FH: variants seen among roughly 807,000 people sequenced by gnomAD.
FH encodes the protein fumarate hydratase, mitochondrial.
A neutral mutation model predicts 49.4 loss-of-function variants in FH; 22 were observed. That is an observed-to-expected ratio of 0.45 (90% CI 0.32 to 0.64). The LOEUF (loss-of-function observed/expected upper bound fraction) is 0.64. Among genes scored for constraint, FH ranks in the 30% least tolerant of loss-of-function variants. FH has a pLI of 0.05. For synonymous variants in FH, 208 were observed against 223.0 expected (o/e 0.93, Z 0.60); for missense variants, 526 against 641.5 (o/e 0.82, Z 1.95).
intron 9 of FH, among the ~76,000 whole-genome samples, chr1:241,499,828 G>C (rs1364101699): frequency 6.6e-6 from 1 of 152,158 alleles, no homozygotes; most frequent in Non-Finnish European, 1.5e-5. Flanking sequence ...TCTATGGTCA[G>C]TCTACTACCC....
In FH at chr1:241,516,982, C is replaced by T. The variant is rs895106577; in HGVS notation, c.267+200G>A. ...TTTAAAAAATCCAAAATATTCAAAG[C>T]GATGGCTCAAAATAATAGCATGCTA... On this transcript the variant is annotated intron_variant, in intron 2 of 9. Transcript: ENST00000366560. Among the ~76,000 whole-genome samples the T allele has an allele frequency of 5.3e-5, 8 of 152,074 alleles. No homozygotes were observed. The East Asian group carries it at 7.7e-4, about 15-fold the overall frequency.
chr1:241,501,274 C>T lies in FH; in HGVS notation c.1237-684G>A, dbSNP rs905227515. 7.2e-5 allele frequency among the ~76,000 whole-genome samples: 11 copies of T among 152,296 alleles called. No homozygotes were observed. In the South Asian group the frequency reaches 2.1e-3, roughly 29 times the overall value. ...TCCGGTCTGAAAACTAGACTTCCAA[C>T]AATGGACTCTAAGACATATAATCTA... On this transcript the variant is annotated intron_variant, in intron 8 of 9. Coordinates refer to ENST00000366560, the MANE Select transcript of FH (RefSeq NM_000143.4).
rs202166344 is a variant in FH, at chr1:241,519,716, G to C, written c.7C>G (p.Arg3Gly). 382 of 1,543,684 alleles carry C rather than the reference G, an allele frequency of 2.5e-4. No homozygotes were observed. Among genetic ancestry groups the C allele is most frequent in the Non-Finnish European group, 3.2e-4 (362 of 1,143,342 alleles). MY[R>G]ALRLLARSRP... ...GAGCGCGCGAGGAGCCGAAGTGCTC[G>C]GTACATGGTGCTGAGGGAGCTTGGG... Residue 3 changes from arginine (R) to glycine (G), a missense_variant, in exon 1 of 10, where the codon CGA becomes GGA. Physicochemically the swap from Arg to Gly is moderately radical, Grantham distance 125 (BLOSUM62 -2). Around this residue, in one of 2 missense-constraint regions of FH, gnomAD observed 143 missense variants for 127.5 expected, o/e 1.12. Coordinates refer to ENST00000366560, the MANE Select transcript of FH (RefSeq NM_000143.4).
At chr1:241,498,052 T>C in intron 9 of FH, 82 bp from the exon 10 acceptor site, 1 of 1,382,954 alleles carries the variant, frequency 7.2e-7, no homozygotes, top group Non-Finnish European at 1.0e-6. Flanking sequence ...AATTGTTTAC[T>C]TGATATTGAT....
At chr1:241,499,381 A>G (rs1383214242) in intron 9 of FH, among the ~76,000 whole-genome samples, 2 of 152,208 alleles carry the variant, frequency 1.3e-5, no homozygotes, top group East Asian at 3.8e-4. Context: ...TGAAGTAAAG[A>G]TCTGATGAAA....
chr1:241,517,408 C>A, intron 1 of FH, 92 bp from the exon 2 acceptor site: 1 of 1,386,110 alleles, frequency 7.2e-7, no homozygotes, highest in Non-Finnish European at 1.0e-6. Flanking sequence ...AGAAAGAAAC[C>A]TGAATAAGTA....
Position 241,506,090 on chromosome 1 carries a change from C to T in FH, c.817G>A (p.Ala273Thr), listed in dbSNP as rs772190176. 5 of 1,613,840 alleles carry T rather than the reference C, an allele frequency of 3.1e-6. No individual in the cohort carries two copies. Among genetic ancestry groups the T allele is most frequent in the Non-Finnish European group, 2.5e-6 (3 of 1,179,918 alleles). ...KAAMPRIYELAAGGTAVGTGL... is the reference protein window; with the variant it reads ...KAAMPRIYELTAGGTAVGTGL... The stretch of plus-strand genomic sequence containing the variant: ...GTACCAACAGCAGTGCCTCCAGCTG[C>T]GAGCTCATAGATTCTTGGCATGGCA... Residue 273 changes from alanine to threonine, a missense_variant, in exon 6 of 10, where the codon GCA becomes ACA. Physicochemically the swap from Ala to Thr is moderately conservative, Grantham distance 58. Coordinates refer to ENST00000366560, the MANE Select transcript of FH (RefSeq NM_000143.4).
chr1:241,497,935 G>T lies in FH; in HGVS notation c.1426C>A (p.His476Asn). The T allele has an allele frequency of 6.2e-7, 1 of 1,613,388 alleles. No individual in the cohort carries two copies. Among genetic ancestry groups the T allele is most frequent in the Non-Finnish European group, 8.5e-7 (1 of 1,179,446 alleles). Residue 476 changes from histidine (H) to asparagine (N), a missense_variant, in exon 10 of 10, where the codon CAC (histidine) becomes AAC (asparagine). By Grantham distance (68) the His-to-Asn change is moderately conservative. Coordinates refer to ENST00000366560, the MANE Select transcript of FH (RefSeq NM_000143.4). ...TCCTTTAAGGTTGATCCATTTTTGT[G>T]TGCTGTCTTAGCAATCTTTGCTGCC... The part of the protein sequence containing the change: ...DKAAKIAKTA[H>N]KNGSTLKETA...
intron 4 of FH, 150 bp from the exon 5 acceptor site, chr1:241,508,935 G>C (rs1660004495): frequency 2.2e-5 from 14 of 643,340 alleles, no homozygotes. Context: ...TCATAGGTGA[G>C]TTATTATAGA....
Position 241,512,090 on chromosome 1 carries a change from T to C in FH, c.432A>G (p.Gly144=), listed in dbSNP as rs779274655. The C allele has an allele frequency of 1.2e-6, 2 of 1,613,930 alleles. No homozygotes were observed. The change falls in exon 4 of 10, where the codon GGA becomes GGG. Residue 144 remains glycine, a synonymous_variant. Coordinates refer to ENST00000366560, the MANE Select transcript of FH (RefSeq NM_000143.4). The part of the protein sequence containing the change: ...DHFPLVVWQT[G]SGTQTNMNVN... The stretch of plus-strand genomic sequence containing the variant: ...CATTCATATTTGTCTGAGTTCCTGA[T>C]CCAGTCTGCCATACCACGAGAGGAA...
rs199539887 is a variant in FH at position 241,513,641 on chromosome 1, G to T, written c.340C>A (p.Pro114Thr). The T allele has an allele frequency of 1.9e-6, 3 of 1,613,898 alleles. No homozygotes were observed. The African/African-American group carries it at 4.0e-5, about 22-fold the overall frequency. ...AEVNQDYGLDPKIANAIMKAA... is the reference protein window; with the variant it reads ...AEVNQDYGLDTKIANAIMKAA... ...TTCATTATTGCATTAGCAATCTTTG[G>T]ATCAAGACCATAATCCTGGTTTACT... Residue 114 changes from proline to threonine, a missense_variant, in exon 3 of 10, where the codon CCA becomes ACA. Around this residue, in one of 2 missense-constraint regions of FH, gnomAD observed 383 missense variants for 514.0 expected, o/e 0.75. Transcript: ENST00000366560.
At position 241,504,084 on chromosome 1, in the gene FH, A is replaced by G. The variant is rs1157405003; in HGVS notation, c.1066T>C (p.Leu356=). The change falls in exon 7 of 10, where the codon TTG becomes CTG. Residue 356 remains leucine (L), a synonymous_variant. Transcript: ENST00000366560. ...GSGPRSGLGE[L]ILPENEPGSS... ...CCTGGTTCATTTTCAGGCAAGATCA[A>G]TTCTCCCAGACCTGACCGAGGACCA... is the stretch of plus-strand genomic sequence containing the variant. 9 of 1,614,220 alleles carry G rather than the reference A, an allele frequency of 5.6e-6. No individual in the cohort carries two copies. The highest frequency in any genetic ancestry group is 1.7e-4 in the Middle Eastern group (1 of 6,060).
chr1:241,504,061 T>G lies in FH; in HGVS notation c.1089A>C (p.Pro363=). The change falls in exon 7 of 10, where the codon CCA becomes CCC. Residue 363 remains proline (P), a synonymous_variant. Transcript: ENST00000366560. The stretch of plus-strand genomic sequence containing the variant: ...GATTACCTGGCATGATACTGCTTCC[T>G]GGTTCATTTTCAGGCAAGATCAATT... ...LGELILPENE[P]GSSIMPGKVN... 1 of 1,614,170 alleles carries G rather than the reference T, an allele frequency of 6.2e-7. No homozygotes were observed. Among genetic ancestry groups the G allele is most frequent in the Non-Finnish European group, 8.5e-7 (1 of 1,180,014 alleles).
chr1:241,519,496 G>C (rs1308041251), intron 1 of FH, 95 bp downstream of exon 1: 3 of 1,429,902 alleles, frequency 2.1e-6, no homozygotes, highest in Non-Finnish European at 2.8e-6. Flanking sequence ...GGACGCCCGG[G>C]GAATCTCTCC....
Position 241,497,915 on chromosome 1 carries a change from T to C in FH, c.1446A>G (p.Leu482=). Residue 482 remains leucine (L), a synonymous_variant, in exon 10 of 10, where the codon TTA becomes TTG. Transcript: ENST00000366560. ...AKTAHKNGST[L]KETAIELGYL... ...AGCCAAGTTCGATAGCAGTTTCCTT[T>C]AAGGTTGATCCATTTTTGTGTGCTG... The C allele has an allele frequency of 1.9e-6, 3 of 1,613,942 alleles. No homozygotes were observed. Among genetic ancestry groups the C allele is most frequent in the Non-Finnish European group, 2.5e-6 (3 of 1,179,960 alleles).
chr1:241,505,823 T>A (rs1042934459), intron 6 of FH, among the ~76,000 whole-genome samples, 180 bp downstream of exon 6: 1 of 152,226 alleles, frequency 6.6e-6, no homozygotes, highest in Non-Finnish European at 1.5e-5. Flanking sequence ...CATGGAACAT[T>A]TTTTAAAAGG....
intron 3 of FH, among the ~76,000 whole-genome samples, chr1:241,512,986 G>A (rs1414438224): frequency 6.6e-6 from 1 of 151,650 alleles, no homozygotes; most frequent in African/African-American, 2.4e-5. Flanking sequence ...AACAAAATTA[G>A]GATCGTAAAA....
chr1:241,512,288 T>G, intron 3 of FH, 145 bp from the exon 4 acceptor site: 1 of 667,824 alleles, frequency 1.5e-6, no homozygotes. Flanking sequence ...AAGTGAAATA[T>G]TATCTATAGT....
At chr1:241,517,347 T>G (rs768525789) in intron 1 of FH, 31 bp from the exon 2 acceptor site, 13 of 1,612,992 alleles carry the variant, frequency 8.1e-6, no homozygotes, top group Non-Finnish European at 3.4e-6. Flanking sequence ...CTATTACAAG[T>G]TGAAAAGAAA....
Sources: gnomAD v4.1 joint callset for allele counts (sites outside exome capture counted in the v4.1 genomes callset) on GRCh38, gnomAD v4.1.1 for gene constraint, gnomAD v4.1.1 regional missense constraint, MANE v1.5 for transcripts, NCBI Gene and HGNC (gene_info 2026-07-23, HGNC 2026-07-21) for gene names.